The following RORA variants were observed in gnomAD, a reference collection of about 807,000 sequenced individuals.
The protein encoded by RORA is nuclear receptor ROR-alpha.
RORA carries 7 observed loss-of-function variants against 69.5 expected under a neutral mutation model. The observed-to-expected ratio is 0.10, with a 90% confidence interval of 0.06 to 0.19. RORA has a LOEUF of 0.19. Among genes scored for constraint, RORA ranks in the 10% least tolerant of loss-of-function variants. The pLI, the probability that RORA is intolerant of heterozygous loss-of-function variation, is 1.00. For synonymous variants in RORA, 261 were observed against 240.8 expected (o/e 1.08, Z -0.78); for missense variants, 457 against 663.0 (o/e 0.69, Z 3.41).
intron 5 of RORA, 71 bp from the exon 6 acceptor site, chr15:60,505,700 C>T: frequency 1.3e-6 from 2 of 1,550,208 alleles, no homozygotes; most frequent in South Asian, 1.1e-5. Context: ...TTAATATTTG[C>T]TTTAAGAAAT....
intron 1 of RORA, among the ~76,000 whole-genome samples, chr15:60,767,267 C>T (rs547559050): frequency 3.9e-5 from 6 of 152,226 alleles, no homozygotes; most frequent in South Asian, 4.1e-4. Flanking sequence ...CTTGATGTTA[C>T]CTGCTGGGAC....
chr15:61,222,929 T>G (rs2080112139), intron 1 of RORA, among the ~76,000 whole-genome samples: 1 of 152,214 alleles, frequency 6.6e-6, no homozygotes, highest in Non-Finnish European at 1.5e-5. Context: ...TACCTGGAGT[T>G]TCTGTCTACC....
chr15:61,105,461 C>T (rs13329643), intron 1 of RORA, among the ~76,000 whole-genome samples: 22,896 of 152,144 alleles, frequency 0.15, 1,807 homozygotes, highest in South Asian at 0.22. Flanking sequence ...CTGAAGTCTT[C>T]CAAAACCATC....
At chr15:60,598,000 C>A (rs1320701550) in intron 2 of RORA, among the ~76,000 whole-genome samples, 1 of 151,978 alleles carries the variant, frequency 6.6e-6, no homozygotes, top group Non-Finnish European at 1.5e-5. Flanking sequence ...AAGTTGGGCT[C>A]AAAACCAACC....
chr15:61,114,866 A>G (rs140248445), intron 1 of RORA, among the ~76,000 whole-genome samples: 2 of 152,342 alleles, frequency 1.3e-5, no homozygotes, highest in African/African-American at 4.8e-5. Context: ...CTTGGCCCAG[A>G]CGGTATAAGA....
chr15:60,825,942 T>C (rs2072949691), intron 1 of RORA, among the ~76,000 whole-genome samples: 1 of 152,224 alleles, frequency 6.6e-6, no homozygotes, highest in Non-Finnish European at 1.5e-5. Context: ...ATTATAAATA[T>C]ATTCCTTTGG....
chr15:60,836,314 C>T (rs755875056), intron 1 of RORA, among the ~76,000 whole-genome samples: 23 of 152,122 alleles, frequency 1.5e-4, no homozygotes, highest in Admixed American at 4.6e-4. Flanking sequence ...AAGGAACTTC[C>T]GTCTTGCTCT....
In RORA at chr15:61,067,964, G is replaced by C. The variant is rs953792304; in HGVS notation, c.166+161089C>G. ...CTGTAGATGATATTATGAATGGCCAGAGGGTCAGAGATATGCTTTTGGTCT... is the reference window on the plus strand; with the variant it reads ...CTGTAGATGATATTATGAATGGCCACAGGGTCAGAGATATGCTTTTGGTCT... On this transcript the variant is annotated intron_variant, in intron 1 of 10. Coordinates refer to ENST00000335670, the MANE Select transcript of RORA (RefSeq NM_134261.3). Among the ~76,000 whole-genome samples the C allele has an allele frequency of 2.6e-5, 4 of 152,224 alleles. No individual in the cohort carries two copies. The East Asian group carries it at 5.8e-4, about 22-fold the overall frequency.
intron 1 of RORA, among the ~76,000 whole-genome samples, chr15:60,719,197 G>A (rs971155742): frequency 2.6e-5 from 4 of 152,024 alleles, no homozygotes; most frequent in African/African-American, 9.7e-5. Context: ...TTTGATCATG[G>A]CATTATAGTT....
chr15:60,583,677 C>G (rs1205725261), intron 2 of RORA, among the ~76,000 whole-genome samples: 2 of 152,210 alleles, frequency 1.3e-5, no homozygotes, highest in Non-Finnish European at 2.9e-5. Context: ...AGTCTGCCCA[C>G]TTGCTTCTGC....
intron 1 of RORA, among the ~76,000 whole-genome samples, chr15:61,068,177 A>T (rs1215668971): frequency 2.0e-5 from 3 of 152,378 alleles, no homozygotes; most frequent in South Asian, 2.1e-4. Context: ...GGTTTGGTTC[A>T]TATGGATGCT....
intron 1 of RORA, among the ~76,000 whole-genome samples, chr15:60,723,471 G>A (rs1344841750): frequency 6.6e-6 from 1 of 151,176 alleles, no homozygotes; most frequent in African/African-American, 2.4e-5. Flanking sequence ...GGCACATAAG[G>A]CGCAGGGAAA....
At chr15:61,173,977 G>A (rs1411890730) in intron 1 of RORA, among the ~76,000 whole-genome samples, 1 of 152,188 alleles carries the variant, frequency 6.6e-6, no homozygotes, top group African/African-American at 2.4e-5. Context: ...CTGGGAATCT[G>A]TGCTTTTAGC....
At chr15:61,130,664 G>A (rs1294720585) in intron 1 of RORA, among the ~76,000 whole-genome samples, 1 of 152,144 alleles carries the variant, frequency 6.6e-6, no homozygotes, top group Non-Finnish European at 1.5e-5. Context: ...TCACTTAAAG[G>A]ATTAAATGAG....
chr15:60,924,479 T>C (rs981318796), intron 1 of RORA, among the ~76,000 whole-genome samples: 1 of 151,626 alleles, frequency 6.6e-6, no homozygotes, highest in African/African-American at 2.4e-5. Context: ...TTCATATATT[T>C]ATAAGTGAAT....
At chr15:60,987,255 G>A (rs1016169118) in intron 1 of RORA, among the ~76,000 whole-genome samples, 12 of 152,260 alleles carry the variant, frequency 7.9e-5, no homozygotes, top group Admixed American at 2.0e-4. Context: ...TCTCACCTCC[G>A]TGCCTTGGTC....
chr15:60,497,396 T>TTTTG lies in RORA; in HGVS notation c.*55_*58dup. 2 of 1,512,588 alleles carry TTTTG rather than the reference T, an allele frequency of 1.3e-6. No homozygotes were observed. Among genetic ancestry groups the TTTTG allele is most frequent in the African/African-American group, 1.4e-5 (1 of 72,758 alleles). 93.7% of individuals were successfully genotyped at this position (1,512,588 alleles called of 1,614,324 possible). ...CCATATAAAGTGTCTCGGTTAATTTTTTTGTTTGTTTTTCATGTTTGTACT... is the reference window on the plus strand; with the variant it reads ...CCATATAAAGTGTCTCGGTTAATTTTTTTGTTTGTTTGTTTTTCATGTTTGTACT... On this transcript the variant is annotated 3_prime_UTR_variant, in exon 11 of 11. Transcript: ENST00000335670.
chr15:60,775,506 G>A (rs1219513905), intron 1 of RORA, among the ~76,000 whole-genome samples: 2 of 152,198 alleles, frequency 1.3e-5, no homozygotes, highest in African/African-American at 2.4e-5. Context: ...TCCGCCAGGA[G>A]TACTGAAATT....
At chr15:60,654,750 G>C (rs747095927) in intron 2 of RORA, among the ~76,000 whole-genome samples, 9 of 152,184 alleles carry the variant, frequency 5.9e-5, no homozygotes, top group Non-Finnish European at 1.3e-4. Context: ...CATGGAAGCA[G>C]AGGGACAGAA....
Sources: allele counts gnomAD v4.1 joint callset (sites outside exome capture counted in the v4.1 genomes callset), GRCh38; gene constraint gnomAD v4.1.1; transcripts MANE v1.5; gene names NCBI Gene and HGNC (gene_info 2026-07-23, HGNC 2026-07-21).